Variants in NT5C1A observed in about 807,000 individuals in gnomAD.
NT5C1A encodes 5'-nucleotidase, cytosolic IA, also known as cytosolic 5'-nucleotidase 1A.
A neutral mutation model predicts 31.0 loss-of-function variants in NT5C1A; 18 were observed. The observed-to-expected ratio is 0.58, with a 90% confidence interval of 0.40 to 0.86. The LOEUF is 0.86. NT5C1A is among the 40% of genes least tolerant of loss of function. NT5C1A has a pLI of 0.00. For synonymous variants in NT5C1A, 185 were observed against 203.6 expected, an observed-to-expected ratio of 0.91 and a Z score of 0.78; for missense variants, 470 against 505.4, an observed-to-expected ratio of 0.93 and a Z score of 0.67.
At chr1:39,664,485 T>TTTCTCCTC (rs1553485406) in intron 3 of NT5C1A, among the ~76,000 whole-genome samples, 1 of 61,066 alleles carries the variant, frequency 1.6e-5, no homozygotes, top group Non-Finnish European at 3.4e-5. Flanking sequence ...CCAGAGTGGA[T>TTTCTCCTC]TTCTCCTCCT....
In NT5C1A at chr1:39,661,143, T is replaced by C. The variant is rs1156838809; in HGVS notation, c.677A>G (p.Lys226Arg). The change falls in exon 5 of 6, where the codon AAG becomes AGG. Residue 226 changes from lysine to arginine, a missense_variant. Lys to Arg is a conservative substitution (Grantham distance 26). Coordinates refer to ENST00000235628, the MANE Select transcript of NT5C1A (RefSeq NM_032526.3). ...GAAGAATCGGTCCAGCCCGTGGGCC[T>C]TGACGATGCGCTCCGACTCGTCCGA... is the stretch of plus-strand genomic sequence containing the variant. ...LFSDESERIV[K>R]AHGLDRFFEH... 1 of 1,601,296 alleles carries C rather than the reference T, an allele frequency of 6.2e-7. No individual in the cohort carries two copies. The highest frequency in any genetic ancestry group is 2.2e-5 in the East Asian group (1 of 44,568).
intron 3 of NT5C1A, among the ~76,000 whole-genome samples, chr1:39,665,005 T>A (rs1206484608): frequency 6.6e-6 from 1 of 152,192 alleles, no homozygotes; most frequent in Admixed American, 6.5e-5. Context: ...CCCTGTAACC[T>A]AATAAAAAAT....
At position 39,655,822 on chromosome 1, in the gene NT5C1A, T is replaced by C. The variant is rs1427931027; in HGVS notation, c.*3299A>G. Among the ~76,000 whole-genome samples, 2 of 151,292 alleles carry C rather than the reference T, an allele frequency of 1.3e-5. No homozygotes were observed. Among genetic ancestry groups the C allele is most frequent in the Non-Finnish European group, 2.9e-5 (2 of 67,838 alleles). On this transcript the variant is annotated 3_prime_UTR_variant, in exon 6 of 6. Coordinates refer to ENST00000235628, the MANE Select transcript of NT5C1A (RefSeq NM_032526.3). ...GGTCAGCTGAGGCCACGAGGAGACA[T>C]TCAGGGGACTCAGCGCAGCATTATC...
At chr1:39,664,493 CCTCT>C in intron 3 of NT5C1A, among the ~76,000 whole-genome samples, 2 of 33,878 alleles carry the variant, frequency 5.9e-5, no homozygotes, top group East Asian at 1.9e-3. Context: ...GATTTCTCCT[CCTCT>C]CCTCTCCTCT....
chr1:39,654,287 C>T lies in NT5C1A; in HGVS notation c.*4834G>A, dbSNP rs1019712055. Among the ~76,000 whole-genome samples the T allele has an allele frequency of 2.0e-5, 3 of 152,224 alleles. No homozygotes were observed. The highest frequency in any genetic ancestry group is 7.2e-5 in the African/African-American group (3 of 41,452). Reference sequence around the variant, plus strand: ...TCTCACTTGATCAGTAACTTCTGAACCGGCTAAAGTCCTCACGGGACCCTC... The same window carrying T: ...TCTCACTTGATCAGTAACTTCTGAATCGGCTAAAGTCCTCACGGGACCCTC... On this transcript the variant is annotated 3_prime_UTR_variant, in exon 6 of 6. Transcript: ENST00000235628.
Position 39,661,244 on chromosome 1 carries a change from G to T in NT5C1A, c.576C>A (p.Ile192=), listed in dbSNP as rs200326702. The T allele has an allele frequency of 3.2e-6, 5 of 1,582,104 alleles. No homozygotes were observed. The highest frequency in any genetic ancestry group is 3.5e-6 in the Non-Finnish European group (4 of 1,153,584). Residue 192 remains isoleucine (I), a synonymous_variant, in exon 5 of 6, where the codon ATC becomes ATA. Transcript: ENST00000235628. ...AIDEGIAAAT[I]FSPSRDVVVS... ...CAACCACATCCCTGCTGGGGCTGAA[G>T]ATGGTGGCAGCTGCGATCCCTAGGC...
At chr1:39,669,546 CT>C (rs1222664188) in intron 1 of NT5C1A, among the ~76,000 whole-genome samples, 3 of 152,214 alleles carry the variant, frequency 2.0e-5, no homozygotes, top group Non-Finnish European at 4.4e-5. Flanking sequence ...CCAAAATAGC[CT>C]GTGGGAAGAG....
At chr1:39,664,999 G>C (rs933389555) in intron 3 of NT5C1A, among the ~76,000 whole-genome samples, 4 of 152,288 alleles carry the variant, frequency 2.6e-5, no homozygotes, top group South Asian at 2.1e-4. Context: ...AGACACCCCT[G>C]TAACCTAATA....
chr1:39,671,037 C>G (rs1381944969), intron 1 of NT5C1A, among the ~76,000 whole-genome samples: 2 of 152,142 alleles, frequency 1.3e-5, no homozygotes, highest in Non-Finnish European at 2.9e-5. Flanking sequence ...GGGAAGGGTT[C>G]TTGGAGGGAA....
At position 39,661,152 on chromosome 1, in the gene NT5C1A, C is replaced by T. The variant is rs576493166; in HGVS notation, c.668G>A (p.Arg223His). 1.4e-5 allele frequency: 23 copies of T among 1,600,954 alleles called. No homozygotes were observed. The African/African-American group carries it at 1.6e-4, about 11-fold the overall frequency. Residue 223 changes from arginine to histidine, a missense_variant, in exon 5 of 6, where the codon CGC becomes CAC. Arg to His is a conservative substitution (Grantham distance 29). Coordinates refer to ENST00000235628, the MANE Select transcript of NT5C1A (RefSeq NM_032526.3). ...DAVLFSDESE[R>H]IVKAHGLDRF... ...GTCCAGCCCGTGGGCCTTGACGATG[C>T]GCTCCGACTCGTCCGAGAAGAGCAC... is the stretch of plus-strand genomic sequence containing the variant.
intron 5 of NT5C1A, 92 bp downstream of exon 5, chr1:39,660,987 G>T (rs907740929): frequency 1.4e-6 from 1 of 705,110 alleles, no homozygotes; most frequent in East Asian, 2.5e-5. Context: ...TGAGCCTGGG[G>T]TTTGTTTGCT....
intron 3 of NT5C1A, among the ~76,000 whole-genome samples, chr1:39,664,573 A>G (rs1646511507): frequency 8.6e-6 from 1 of 116,634 alleles, no homozygotes; most frequent in African/African-American, 3.5e-5. Flanking sequence ...GCTCATTGCA[A>G]CCTCTGCCTC....
chr1:39,658,697 G>C lies in NT5C1A; in HGVS notation c.*424C>G, dbSNP rs370516747. Among the ~76,000 whole-genome samples, 3 of 152,320 alleles carry C rather than the reference G, an allele frequency of 2.0e-5. No homozygotes were observed. The highest frequency in any genetic ancestry group is 1.3e-4 in the Admixed American group (2 of 15,302). ...GATGGGGAAACTGGGGGCCATGAAGGGGAGGGATTACTCAAAGTCATGCAG... is the reference window on the plus strand; with the variant it reads ...GATGGGGAAACTGGGGGCCATGAAGCGGAGGGATTACTCAAAGTCATGCAG... On this transcript the variant is annotated 3_prime_UTR_variant, in exon 6 of 6. Transcript: ENST00000235628.
At position 39,666,304 on chromosome 1, in the gene NT5C1A, G is replaced by A. The variant is rs2124160958; in HGVS notation, c.136-68C>T. 6.0e-6 allele frequency: 9 copies of A among 1,491,186 alleles called. No individual in the cohort carries two copies. In the South Asian group the frequency reaches 9.6e-5, roughly 16 times the overall value. The allele number at this position is 1,491,186 out of a possible 1,614,324, so 92.4% of individuals were successfully genotyped here. ...CCCTGAGGCAGGCTCACATGTGTGAGTCTCCCTGGGTAGTGAGGACATGGA... is the reference window on the plus strand; with the variant it reads ...CCCTGAGGCAGGCTCACATGTGTGAATCTCCCTGGGTAGTGAGGACATGGA... On this transcript the variant is annotated intron_variant, in intron 1 of 5. Coordinates refer to ENST00000235628, the MANE Select transcript of NT5C1A (RefSeq NM_032526.3).
chr1:39,661,007 G>A lies in NT5C1A; in HGVS notation c.741+72C>T, dbSNP rs1008247449. Reference sequence around the variant, plus strand: ...CTGGGGTTTGTTTGCTTCCAGGCTGGGAGTGCAGGCCAAGGGCAGGTCTGG... The same window carrying A: ...CTGGGGTTTGTTTGCTTCCAGGCTGAGAGTGCAGGCCAAGGGCAGGTCTGG... On this transcript the variant is annotated intron_variant, in intron 5 of 5. Coordinates refer to ENST00000235628, the MANE Select transcript of NT5C1A (RefSeq NM_032526.3). 1.3e-5 allele frequency: 11 copies of A among 848,456 alleles called. No homozygotes were observed. In the East Asian group the frequency reaches 2.7e-4, roughly 21 times the overall value. 52.6% of individuals were successfully genotyped at this position (848,456 alleles called of 1,614,324 possible).
Position 39,657,645 on chromosome 1 carries a change from C to T in NT5C1A, c.*1476G>A, listed in dbSNP as rs556810728. 2.0e-5 allele frequency among the ~76,000 whole-genome samples: 3 copies of T among 152,304 alleles called. No homozygotes were observed. The highest frequency in any genetic ancestry group is 4.8e-5 in the African/African-American group (2 of 41,566). ...CAAAGGAGGAGGCTGACTCATCAAG[C>T]GGTGAGAGTTCTCCTCTGAAAGTGG... is the stretch of plus-strand genomic sequence containing the variant. On this transcript the variant is annotated 3_prime_UTR_variant, in exon 6 of 6. Coordinates refer to ENST00000235628, the MANE Select transcript of NT5C1A (RefSeq NM_032526.3).
chr1:39,664,799 G>T (rs1184851257), intron 3 of NT5C1A, among the ~76,000 whole-genome samples: 1 of 151,136 alleles, frequency 6.6e-6, no homozygotes, highest in African/African-American at 2.4e-5. Context: ...TGCTTTTCTT[G>T]AATACGGTTT....
At chr1:39,666,831 A>T (rs754092644) in intron 1 of NT5C1A, among the ~76,000 whole-genome samples, 104 of 152,248 alleles carry the variant, frequency 6.8e-4, no homozygotes, top group Non-Finnish European at 1.3e-3. Flanking sequence ...GCTTAGAACC[A>T]CTATCCACTC....
intron 1 of NT5C1A, among the ~76,000 whole-genome samples, chr1:39,670,835 C>T (rs546031855): frequency 6.6e-6 from 1 of 151,448 alleles, no homozygotes; most frequent in South Asian, 2.1e-4. Context: ...GCCACTTCTA[C>T]AAAGCTTTCC....
Sources: gnomAD v4.1 joint callset for allele counts (sites outside exome capture counted in the v4.1 genomes callset) on GRCh38, gnomAD v4.1.1 for gene constraint, MANE v1.5 for transcripts, NCBI Gene and HGNC (gene_info 2026-07-23, HGNC 2026-07-21) for gene names.